Variants in INPP4B observed in about 807,000 individuals in gnomAD.
INPP4B encodes inositol polyphosphate 4-phosphatase type II.
A neutral mutation model predicts 122.5 loss-of-function variants in INPP4B; 55 were observed. The observed-to-expected ratio is 0.45, with a 90% CI of 0.36 to 0.56. The LOEUF is 0.56. INPP4B is among the 20% of genes least tolerant of loss of function. INPP4B has a pLI of 0.00. For missense variants in INPP4B, 1,000 were observed against 1,097.7 expected (o/e 0.91, Z 1.26); for synonymous variants, 403 against 388.7 (o/e 1.04, Z -0.43).
At chr4:142,520,023 G>C (rs1825884141) in intron 2 of INPP4B, among the ~76,000 whole-genome samples, 1 of 151,750 alleles carries the variant, frequency 6.6e-6, no homozygotes, top group Non-Finnish European at 1.5e-5. Flanking sequence ...ATGAAAATCT[G>C]GGTTCTAAAT....
chr4:142,213,448 A>C (rs1168913093), intron 12 of INPP4B, among the ~76,000 whole-genome samples: 3 of 152,176 alleles, frequency 2.0e-5, no homozygotes, highest in African/African-American at 7.2e-5. Context: ...TCTAGGTCCA[A>C]CCACAATAGA....
intron 1 of INPP4B, among the ~76,000 whole-genome samples, chr4:142,825,171 CTTCTTTTGCCT>C (rs1183905754): frequency 1.3e-5 from 2 of 152,088 alleles, no homozygotes; most frequent in East Asian, 1.9e-4. Flanking sequence ...TTCGCTTTGA[CTTCTTTTGCCT>C]TTCTTTTGCC....
chr4:142,843,046 A>T (rs1783750533), intron 1 of INPP4B, among the ~76,000 whole-genome samples: 1 of 149,718 alleles, frequency 6.7e-6, no homozygotes, highest in South Asian at 2.1e-4. Flanking sequence ...ATTTAAAAAA[A>T]TAAACTAACA....
In INPP4B at chr4:142,192,354, A is replaced by AAAAAAAAAAAAAAAAAAAAAAG. The variant is rs148371542; in HGVS notation, c.1181+732_1181+733insCTTTTTTTTTTTTTTTTTTTTT. Among the ~76,000 whole-genome samples, 25 of 73,182 alleles carry AAAAAAAAAAAAAAAAAAAAAAG rather than the reference A, an allele frequency of 3.4e-4. 6 individuals carry two copies. The highest frequency in any genetic ancestry group is 4.7e-4 in the Non-Finnish European group (17 of 35,798). 48.0% of individuals were successfully genotyped at this position (73,182 alleles called of 152,430 possible). On this transcript the variant is annotated intron_variant, in intron 15 of 25. Transcript: ENST00000262992. Reference sequence around the variant, plus strand: ...AAAGTAAAAAAAAAAAAAAAAAAAAATGGGATTCTTAAGAAGAATAACTAT... The same window carrying AAAAAAAAAAAAAAAAAAAAAAG: ...AAAGTAAAAAAAAAAAAAAAAAAAAAAAAAAAAAAAAAAAAAAAAAAGTGGGATTCTTAAGAAGAATAACTAT...
At chr4:142,152,816 C>A (rs1413109660) in intron 17 of INPP4B, among the ~76,000 whole-genome samples, 1 of 152,162 alleles carries the variant, frequency 6.6e-6, no homozygotes, top group African/African-American at 2.4e-5. Flanking sequence ...TCTTTCAATA[C>A]CTCTGCTCAT....
At chr4:142,671,839 T>C (rs771583972) in intron 2 of INPP4B, among the ~76,000 whole-genome samples, 3 of 152,126 alleles carry the variant, frequency 2.0e-5, no homozygotes, top group Non-Finnish European at 2.9e-5. Context: ...ATCAAGTATA[T>C]TAATTGAGTA....
chr4:142,632,230 T>C lies in INPP4B; in HGVS notation c.-191+93609A>G, dbSNP rs532441183. Among the ~76,000 whole-genome samples the C allele has an allele frequency of 1.6e-4, 24 of 152,202 alleles. No homozygotes were observed. The South Asian group carries it at 4.1e-3, about 26-fold the overall frequency. ...ACATGGGGTCACCTTTGTTTTCACA[T>C]ACACAATGGAATATTGTTCAGCCAA... On this transcript the variant is annotated intron_variant, in intron 2 of 25. Transcript: ENST00000262992.
chr4:142,715,771 T>C (rs1763680022), intron 2 of INPP4B, among the ~76,000 whole-genome samples: 1 of 152,226 alleles, frequency 6.6e-6, no homozygotes, highest in Non-Finnish European at 1.5e-5. Flanking sequence ...ATTTGTTTTG[T>C]TAACCATCTG....
At chr4:142,668,284 A>G (rs1456810714) in intron 2 of INPP4B, among the ~76,000 whole-genome samples, 1 of 152,074 alleles carries the variant, frequency 6.6e-6, no homozygotes, top group Non-Finnish European at 1.5e-5. Flanking sequence ...TAGATGCAGA[A>G]AAAATATTTT....
At chr4:142,448,984 T>C (rs1327111822) in intron 3 of INPP4B, among the ~76,000 whole-genome samples, 1 of 152,202 alleles carries the variant, frequency 6.6e-6, no homozygotes, top group Non-Finnish European at 1.5e-5. Flanking sequence ...GCAATGGATG[T>C]ACATGCATGG....
chr4:142,064,206 TTAG>T lies in INPP4B; in HGVS notation c.2642+17822_2642+17824del, dbSNP rs909051989. Among the ~76,000 whole-genome samples the T allele has an allele frequency of 3.3e-5, 5 of 152,326 alleles. 1 individual carries two copies. The highest frequency in any genetic ancestry group is 4.1e-4 in the South Asian group (2 of 4,828). ...TCTGAAACATCAAATCTTTTATTAT[TTAG>T]TGTATCAAAAATCAGCTCAATTCTC... On this transcript the variant is annotated intron_variant, in intron 25 of 25. Transcript: ENST00000262992.
At position 142,476,354 on chromosome 4, in the gene INPP4B, G is replaced by A. The variant is rs1580163242; in HGVS notation, c.-190-13628C>T. On this transcript the variant is annotated intron_variant, in intron 2 of 25. Coordinates refer to ENST00000262992, the MANE Select transcript of INPP4B (RefSeq NM_001101669.3). ...TTAAGAGAGTGCTAAATCTTGACAG[G>A]AAAGATTGTTACCAGCCACCACAAA... Among the ~76,000 whole-genome samples, 6 of 152,228 alleles carry A rather than the reference G, an allele frequency of 3.9e-5. No homozygotes were observed. The South Asian group carries it at 1.2e-3, about 32-fold the overall frequency.
intron 1 of INPP4B, among the ~76,000 whole-genome samples, chr4:142,731,302 G>A (rs1279408381): frequency 6.6e-6 from 1 of 152,154 alleles, no homozygotes; most frequent in African/African-American, 2.4e-5. Context: ...GATGTTGTTT[G>A]GAAATATATC....
intron 22 of INPP4B, among the ~76,000 whole-genome samples, chr4:142,110,479 G>A (rs1049023924): frequency 9.2e-5 from 14 of 152,130 alleles, no homozygotes; most frequent in African/African-American, 3.4e-4. Flanking sequence ...GTAAACAGTA[G>A]TGAAATACTA....
At chr4:142,220,628 G>C (rs1267347878) in intron 12 of INPP4B, among the ~76,000 whole-genome samples, 1 of 152,114 alleles carries the variant, frequency 6.6e-6, no homozygotes, top group Non-Finnish European at 1.5e-5. Context: ...ATTAAGTCCA[G>C]GCAGTTTAGC....
chr4:142,080,227 AC>A (rs1320554413), intron 25 of INPP4B, among the ~76,000 whole-genome samples: 1 of 152,040 alleles, frequency 6.6e-6, no homozygotes, highest in Non-Finnish European at 1.5e-5. Flanking sequence ...TGGCTCCCAA[AC>A]CTCATGTTCA....
intron 2 of INPP4B, among the ~76,000 whole-genome samples, chr4:142,542,427 G>T (rs954575758): frequency 1.3e-5 from 2 of 152,090 alleles, no homozygotes; most frequent in African/African-American, 4.8e-5. Flanking sequence ...GTCAGAAAGT[G>T]AATAAATCAT....
chr4:142,069,677 C>G (rs1194461156), intron 25 of INPP4B, among the ~76,000 whole-genome samples: 8 of 152,154 alleles, frequency 5.3e-5, no homozygotes, highest in African/African-American at 1.7e-4. Flanking sequence ...CACAGAAATA[C>G]AAACACTATC....
intron 2 of INPP4B, among the ~76,000 whole-genome samples, chr4:142,646,662 T>G (rs143110444): frequency 1.3e-3 from 196 of 152,130 alleles, no homozygotes; most frequent in African/African-American, 4.5e-3. Context: ...AACCAAAAAA[T>G]GCAGAACATG....
Sources: gnomAD v4.1 joint callset for allele counts (sites outside exome capture counted in the v4.1 genomes callset) on GRCh38, gnomAD v4.1.1 for gene constraint, MANE v1.5 for transcripts, NCBI Gene and HGNC (gene_info 2026-07-23, HGNC 2026-07-21) for gene names.